The following PROX1 variants were observed in gnomAD, a reference collection of about 807,000 sequenced individuals.
PROX1 encodes the protein prospero homeobox protein 1.
In PROX1, 7 loss-of-function variants were observed where a neutral mutation model predicts 58.8. The ratio of observed to expected loss-of-function variants is 0.12; its 90% CI spans 0.07 to 0.22. The LOEUF is 0.22. PROX1 is among the 10% of genes least tolerant of loss of function. The pLI is 1.00. For missense variants in PROX1, 675 were observed against 927.8 expected (o/e 0.73, Z 3.54); for synonymous variants, 350 against 358.3 (o/e 0.98, Z 0.26).
At chr1:214,018,067 C>G (rs768676315) in intron 4 of PROX1, among the ~76,000 whole-genome samples, 1 of 152,204 alleles carries the variant, frequency 6.6e-6, no homozygotes, top group South Asian at 2.1e-4. Flanking sequence ...TTCTAACAAC[C>G]TTTTGAAAGA....
chr1:214,019,838 C>T (rs1360562786), intron 4 of PROX1, among the ~76,000 whole-genome samples: 2 of 152,194 alleles, frequency 1.3e-5, no homozygotes, highest in East Asian at 1.9e-4. Flanking sequence ...GCCCAAATCC[C>T]GGCTTCTTTT....
rs760502490 is a variant in PROX1, at chr1:213,997,622, G to A, written c.1087G>A (p.Val363Ile). 2 of 1,614,204 alleles carry A rather than the reference G, an allele frequency of 1.2e-6. No individual in the cohort carries two copies. The highest frequency in any genetic ancestry group is 2.2e-5 in the South Asian group (2 of 91,084). Reference sequence around the variant, plus strand: ...GGAACTGAACACTGCCATGTCGCAAGTTGTGGACACTGTGGTCAAAGTCTT... The same window carrying A: ...GGAACTGAACACTGCCATGTCGCAAATTGTGGACACTGTGGTCAAAGTCTT... ...KQELNTAMSQVVDTVVKVFSA... is the reference protein window; with the variant it reads ...KQELNTAMSQIVDTVVKVFSA... The change falls in exon 2 of 5, where the codon GTT becomes ATT. Residue 363 changes from valine to isoleucine, a missense_variant. Val to Ile is a conservative substitution (Grantham distance 29, BLOSUM62 3). Coordinates refer to ENST00000366958, the MANE Select transcript of PROX1 (RefSeq NM_001270616.2). The surrounding 1 kb of genome is among the most constrained non-coding windows in gnomAD (Gnocchi z 7.1).
chr1:214,013,502 A>G (rs1261581357), intron 4 of PROX1, among the ~76,000 whole-genome samples: 1 of 152,196 alleles, frequency 6.6e-6, no homozygotes, highest in Admixed American at 6.5e-5. Context: ...CCCAAGATTC[A>G]TGAGATGACT....
rs937067500 is a variant in PROX1 at position 213,988,056 on chromosome 1, G to T, written c.-495G>T. ...AAAAGAGCTCTCGCCGGGTCCGCCT[G>T]CTCCCTCTCCGCTTCGCTCCTCTTC... On this transcript the variant is annotated 5_prime_UTR_variant, in exon 1 of 5. Transcript: ENST00000366958. The T allele has an allele frequency of 1.3e-5, 2 of 152,072 alleles. No individual in the cohort carries two copies. Among genetic ancestry groups the T allele is most frequent in the African/African-American group, 4.8e-5 (2 of 41,328 alleles). The allele number at this position is 152,072 out of a possible 1,614,324, so 9.4% of individuals were successfully genotyped here. A position where few individuals can be genotyped will look rare whatever the true frequency, so the allele number is the denominator to read the frequency against.
At chr1:213,989,951 G>A (rs1662963053) in intron 1 of PROX1, among the ~76,000 whole-genome samples, 1 of 152,004 alleles carries the variant, frequency 6.6e-6, no homozygotes. Context: ...TGGCAACCCA[G>A]AAGGCTACTC....
At chr1:214,001,432 C>G (rs1240705791) in intron 2 of PROX1, among the ~76,000 whole-genome samples, 1 of 152,150 alleles carries the variant, frequency 6.6e-6, no homozygotes, top group Admixed American at 6.5e-5. Context: ...TCATGATGTT[C>G]CTTGTCATTC....
chr1:214,012,516 A>T (rs183623080), intron 4 of PROX1, among the ~76,000 whole-genome samples: 1 of 152,340 alleles, frequency 6.6e-6, no homozygotes, highest in East Asian at 1.9e-4. Context: ...CTCAGCAAAC[A>T]GTTTTCATCA....
chr1:214,035,149 GACAA>G (rs1164444293), intron 4 of PROX1, among the ~76,000 whole-genome samples: 2 of 152,228 alleles, frequency 1.3e-5, no homozygotes, highest in Non-Finnish European at 2.9e-5. Flanking sequence ...AATCCTCTGA[GACAA>G]ACAGATAACT....
At chr1:214,031,066 T>TGTGTGTGCGCGC (rs1231686198) in intron 4 of PROX1, among the ~76,000 whole-genome samples, 3 of 95,138 alleles carry the variant, frequency 3.2e-5, no homozygotes, top group Admixed American at 1.1e-4. Flanking sequence ...TGTGTGTGTG[T>TGTGTGTGCGCGC]GCGCGCGCGC....
intron 2 of PROX1, among the ~76,000 whole-genome samples, chr1:214,001,157 C>G (rs1168286377): frequency 6.6e-6 from 1 of 152,082 alleles, no homozygotes; most frequent in African/African-American, 2.4e-5. Flanking sequence ...ATTAAGAACA[C>G]CAGCTTATCA....
At chr1:213,989,284 C>A (rs1435401757) in intron 1 of PROX1, among the ~76,000 whole-genome samples, 2 of 151,688 alleles carry the variant, frequency 1.3e-5, no homozygotes, top group African/African-American at 4.8e-5. Flanking sequence ...AGCTCCTGGA[C>A]CCAGGGCTGG....
chr1:214,001,340 G>A (rs1663503218), intron 2 of PROX1, among the ~76,000 whole-genome samples: 2 of 152,174 alleles, frequency 1.3e-5, no homozygotes, highest in African/African-American at 4.8e-5. Flanking sequence ...AATATGTTCA[G>A]TATCTTTGCA....
rs71165943 is a variant in PROX1, at chr1:213,990,630, C to CAGAG, written c.-68+2167_-68+2170dup. ...GCCTATCTCCCAGGTCTGTGCTTGG[C>CAGAG]AGAGAGAGAGAGAGAGAGAGAGAAC... is the stretch of plus-strand genomic sequence containing the variant. On this transcript the variant is annotated intron_variant, in intron 1 of 4. Transcript: ENST00000366958. Among the ~76,000 whole-genome samples the CAGAG allele has an allele frequency of 9.3e-5, 13 of 139,694 alleles. 1 individual carries two copies. The highest frequency in any genetic ancestry group is 2.2e-4 in the African/African-American group (8 of 36,862). The allele number at this position is 139,694 out of a possible 152,430, so 91.6% of individuals were successfully genotyped here. A position where few individuals can be genotyped will look rare whatever the true frequency, so the allele number is the denominator to read the frequency against.
At chr1:213,989,264 C>T (rs1215683709) in intron 1 of PROX1, among the ~76,000 whole-genome samples, 1 of 151,746 alleles carries the variant, frequency 6.6e-6, no homozygotes, top group Non-Finnish European at 1.5e-5. Context: ...CGCGCGGCGC[C>T]CCTCTTCCGA....
chr1:213,990,706 G>A (rs1261191745), intron 1 of PROX1, among the ~76,000 whole-genome samples: 1 of 138,910 alleles, frequency 7.2e-6, no homozygotes, highest in Non-Finnish European at 1.6e-5. Context: ...GTGTGTTTGT[G>A]TGTGTGTGGT....
chr1:214,034,379 G>A (rs575727841), intron 4 of PROX1, among the ~76,000 whole-genome samples: 12 of 152,238 alleles, frequency 7.9e-5, no homozygotes, highest in Admixed American at 2.6e-4. Flanking sequence ...TTGTATATGC[G>A]TAGATAAATA....
chr1:214,032,579 A>G, intron 4 of PROX1, among the ~76,000 whole-genome samples: 1 of 152,078 alleles, frequency 6.6e-6, no homozygotes, highest in East Asian at 1.9e-4. Context: ...CATTTTTGGT[A>G]GAGACGGGGT....
chr1:213,994,139 G>A (rs940413002), intron 1 of PROX1, among the ~76,000 whole-genome samples: 11 of 150,230 alleles, frequency 7.3e-5, no homozygotes, highest in African/African-American at 2.2e-4. Context: ...GGATGACCTT[G>A]TGCTCATCAG....
chr1:213,998,284 G>A, intron 2 of PROX1, 24 bp downstream of exon 2: 1 of 1,511,772 alleles, frequency 6.6e-7, no homozygotes, highest in Non-Finnish European at 8.9e-7. Flanking sequence ...TTCCCCTCGA[G>A]GAAAAAACAA....
Sources: gnomAD v4.1 joint callset for allele counts (sites outside exome capture counted in the v4.1 genomes callset) on GRCh38, gnomAD v4.1.1 for gene constraint, Gnocchi (gnomAD v3.1) non-coding constraint, MANE v1.5 for transcripts, NCBI Gene and HGNC (gene_info 2026-07-23, HGNC 2026-07-21) for gene names.